The following NFIC variants were observed in gnomAD, a reference collection of about 807,000 sequenced individuals.
The protein encoded by NFIC is nuclear factor I C.
NFIC carries 12 observed loss-of-function variants against 54.4 expected under a neutral mutation model. That is an observed-to-expected ratio of 0.22 (90% CI 0.14 to 0.36). The LOEUF is 0.36. NFIC is among the 10% of genes least tolerant of loss of function. The pLI, the probability that NFIC is intolerant of heterozygous loss-of-function variation, is 1.00. For synonymous variants in NFIC, 322 were observed against 319.2 expected (o/e 1.01, Z -0.09); for missense variants, 575 against 718.2 (o/e 0.80, Z 2.28).
chr19:3,393,546 G>A (rs1168402045), intron 2 of NFIC, among the ~76,000 whole-genome samples: 1 of 151,458 alleles, frequency 6.6e-6, no homozygotes, highest in Non-Finnish European at 1.5e-5. Context: ...TGGGCGTGGT[G>A]GCTCACACCT....
chr19:3,435,122 G>T lies in NFIC; in HGVS notation c.873G>T (p.Val291=). ...AATCGGGCTCGATGGAGGAAGACGT[G>T]GACACGAGCCCTGGCGGCGATTACT... ...RHKSGSMEED[V]DTSPGGDYYT... is the part of the protein sequence containing the mutation. Residue 291 remains valine (V), a synonymous_variant, in exon 6 of 11, where the codon GTG becomes GTT. Transcript: ENST00000443272. 1 of 1,605,898 alleles carries T rather than the reference G, an allele frequency of 6.2e-7. No individual in the cohort carries two copies. Among genetic ancestry groups the T allele is most frequent in the Non-Finnish European group, 8.5e-7 (1 of 1,176,614 alleles).
chr19:3,438,377 C>T (rs2082238386), intron 6 of NFIC, among the ~76,000 whole-genome samples: 1 of 151,026 alleles, frequency 6.6e-6, no homozygotes, highest in Non-Finnish European at 1.5e-5. Context: ...GCTCCTGCAG[C>T]TTCCACTTGA....
rs139205043 is a variant in NFIC, at chr19:3,405,470, G to C, written c.563-19636G>C. Among the ~76,000 whole-genome samples the C allele has an allele frequency of 1.3e-3, 204 of 152,326 alleles. 1 individual carries two copies. Among genetic ancestry groups the C allele is most frequent in the African/African-American group, 4.8e-3 (198 of 41,568 alleles). ...AGAGAGGGAGAGTGCTTTTAGTGAGGTCACACAGCACTGGCAAAACTGACA... is the reference window on the plus strand; with the variant it reads ...AGAGAGGGAGAGTGCTTTTAGTGAGCTCACACAGCACTGGCAAAACTGACA... On this transcript the variant is annotated intron_variant, in intron 2 of 10. Coordinates refer to ENST00000443272, the MANE Select transcript of NFIC (RefSeq NM_001245002.2).
At chr19:3,410,879 C>T (rs977739410) in intron 2 of NFIC, 1 of 152,280 alleles carries the variant, frequency 6.6e-6, no homozygotes, top group Non-Finnish European at 1.5e-5. Flanking sequence ...GGTCCAGAGC[C>T]ACATGGCCAG....
chr19:3,366,515 G>GAGC, upstream of NFIC: 4 of 451,918 alleles, frequency 8.9e-6, no homozygotes, highest in Non-Finnish European at 7.3e-6. Flanking sequence ...GCGGCGAGGA[G>GAGC]AGCGCGCCGG....
intron 1 of NFIC, chr19:3,359,821 C>T: frequency 1.2e-5 from 11 of 937,978 alleles, no homozygotes; most frequent in Non-Finnish European, 1.5e-5. Flanking sequence ...CGGGGACCCC[C>T]ACTCGCCAGT....
At chr19:3,407,100 A>G (rs2081663404) in intron 2 of NFIC, among the ~76,000 whole-genome samples, 1 of 151,892 alleles carries the variant, frequency 6.6e-6, no homozygotes, top group Non-Finnish European at 1.5e-5. Flanking sequence ...ACTTTTAGAT[A>G]TTTGGTTTTC....
chr19:3,442,806 C>T (rs934691203), intron 6 of NFIC, among the ~76,000 whole-genome samples: 8 of 152,180 alleles, frequency 5.3e-5, no homozygotes, highest in Non-Finnish European at 1.0e-4. Flanking sequence ...AGGCGAGTGA[C>T]GTCCCCCATC....
At position 3,434,990 on chromosome 19, in the gene NFIC, T is replaced by C. The variant is rs2082176161; in HGVS notation, c.834-93T>C. On this transcript the variant is annotated intron_variant, in intron 5 of 10. Coordinates refer to ENST00000443272, the MANE Select transcript of NFIC (RefSeq NM_001245002.2). ...GCGATACTACCTCCCTCGCCCCCGC[T>C]CACTTAAGGACCGGAAGTAGCAAAG... The C allele has an allele frequency of 2.1e-6, 3 of 1,422,526 alleles. No individual in the cohort carries two copies. The African/African-American group carries it at 4.3e-5, about 21-fold the overall frequency. 88.1% of individuals were successfully genotyped at this position (1,422,526 alleles called of 1,614,324 possible).
chr19:3,365,096 G>A (rs1157921230), upstream of NFIC, among the ~76,000 whole-genome samples: 3 of 152,132 alleles, frequency 2.0e-5, no homozygotes, highest in South Asian at 4.1e-4. Context: ...CAGGAATTCT[G>A]CTCCCTCCTA....
rs930036191 is a variant in NFIC at position 3,468,789 on chromosome 19, A to T, written c.*6020A>T. The T allele has an allele frequency of 6.6e-6, 1 of 152,018 alleles. No homozygotes were observed. The highest frequency in any genetic ancestry group is 1.5e-5 in the Non-Finnish European group (1 of 68,008). 9.4% of individuals were successfully genotyped at this position (152,018 alleles called of 1,614,324 possible). A position where few individuals can be genotyped will look rare whatever the true frequency, so the allele number is the denominator to read the frequency against. ...CCTTCTAGCTTTCTGCTTACCGCAC[A>T]CTGGATAACACACACATACACACCC... On this transcript the variant is annotated 3_prime_UTR_variant, in exon 11 of 11. Transcript: ENST00000443272.
chr19:3,398,450 G>A (rs575929705), intron 2 of NFIC, among the ~76,000 whole-genome samples: 6 of 152,098 alleles, frequency 3.9e-5, no homozygotes, highest in Admixed American at 1.3e-4. Context: ...CTCTGCTCAG[G>A]GTTGTGCAGC....
In NFIC at chr19:3,463,501, C is replaced by T. The variant is rs945191965; in HGVS notation, c.*732C>T. On this transcript the variant is annotated 3_prime_UTR_variant, in exon 11 of 11. Transcript: ENST00000443272. ...TGCCCCTCGAGGGGGCCCTGCCTGC[C>T]GCGGGGCCTCCCCACAAGCCCCTCC... is the stretch of plus-strand genomic sequence containing the variant. The T allele has an allele frequency of 2.4e-5, 24 of 985,110 alleles. No homozygotes were observed. Among genetic ancestry groups the T allele is most frequent in the South Asian group, 4.7e-5 (1 of 21,282 alleles). The allele number at this position is 985,110 out of a possible 1,614,324, so 61.0% of individuals were successfully genotyped here. A position where few individuals can be genotyped will look rare whatever the true frequency, so the allele number is the denominator to read the frequency against.
chr19:3,391,792 G>A (rs890619846), intron 2 of NFIC, among the ~76,000 whole-genome samples: 3 of 151,608 alleles, frequency 2.0e-5, no homozygotes, highest in South Asian at 2.1e-4. Flanking sequence ...GTGAGACTCC[G>A]TTTCAAAAAA....
chr19:3,430,083 C>T (rs1052970527), intron 3 of NFIC, among the ~76,000 whole-genome samples: 2 of 152,080 alleles, frequency 1.3e-5, no homozygotes, highest in South Asian at 2.1e-4. Flanking sequence ...CCCCACCAGC[C>T]GCCTGCCTTA....
At chr19:3,376,334 CAT>C (rs1464012229) in intron 1 of NFIC, among the ~76,000 whole-genome samples, 1 of 132,270 alleles carries the variant, frequency 7.6e-6, no homozygotes, top group African/African-American at 2.9e-5. Context: ...GAGGCTGAGA[CAT>C]GAGAATCGCC....
chr19:3,456,516 G>A (rs1344641624), intron 9 of NFIC, 34 bp from the exon 10 acceptor site: 17 of 1,548,086 alleles, frequency 1.1e-5, no homozygotes, highest in Non-Finnish European at 1.5e-5. Flanking sequence ...ACAACCCCTC[G>A]CTAACGGGCT....
rs567928793 is a variant in NFIC at position 3,370,385 on chromosome 19, C to T, written c.30+3719C>T. ...TCTCTGTGCATCTCTCTCTGTTTCT[C>T]CCCCTCCCCTCTCTGCGGCGGAGGT... On this transcript the variant is annotated intron_variant, in intron 1 of 10. Transcript: ENST00000443272. The surrounding 1 kb of genome is among the most constrained non-coding windows in gnomAD (Gnocchi z 5.2). 7.2e-5 allele frequency among the ~76,000 whole-genome samples: 11 copies of T among 152,232 alleles called. No individual in the cohort carries two copies. The highest frequency in any genetic ancestry group is 2.6e-4 in the African/African-American group (11 of 41,534).
chr19:3,419,694 G>C (rs1420966893), intron 2 of NFIC, among the ~76,000 whole-genome samples: 2 of 151,482 alleles, frequency 1.3e-5, no homozygotes, highest in Admixed American at 1.3e-4. Context: ...AGCTACTTAG[G>C]AGGCTCAGGC....
Sources: gnomAD v4.1 joint callset for allele counts (sites outside exome capture counted in the v4.1 genomes callset) on GRCh38, gnomAD v4.1.1 for gene constraint, Gnocchi (gnomAD v3.1) non-coding constraint, MANE v1.5 for transcripts, NCBI Gene and HGNC (gene_info 2026-07-23, HGNC 2026-07-21) for gene names.